KCNH5: variants seen among roughly 807,000 people sequenced by gnomAD.
The protein encoded by KCNH5 is potassium voltage-gated channel subfamily H member 5.
KCNH5 carries 46 observed loss-of-function variants against 96.1 expected under a neutral mutation model. The observed-to-expected ratio is 0.48, with a 90% CI of 0.38 to 0.61. The LOEUF (loss-of-function observed/expected upper bound fraction) is 0.61. Ranked by LOEUF, KCNH5 falls within the 20% of genes least tolerant of loss-of-function variation. The probability of loss-of-function intolerance (pLI) is 0.00; values close to 1 mark genes in which losing one functional copy is unlikely to be tolerated. For missense variants in KCNH5, 907 were observed against 1,225.8 expected (o/e 0.74, Z 3.88); for synonymous variants, 439 against 449.8 (o/e 0.98, Z 0.30).
chr14:62,789,350 T>C (rs1886384746), intron 9 of KCNH5, among the ~76,000 whole-genome samples: 2 of 152,072 alleles, frequency 1.3e-5, no homozygotes, highest in South Asian at 4.1e-4. Flanking sequence ...CTTAGGTCGT[T>C]TCCATATCTT....
At chr14:62,839,272 G>C (rs1297449046) in intron 8 of KCNH5, among the ~76,000 whole-genome samples, 1 of 152,012 alleles carries the variant, frequency 6.6e-6, no homozygotes, top group Non-Finnish European at 1.5e-5. Context: ...TTATGTAACA[G>C]TCATGTATTC....
intron 10 of KCNH5, among the ~76,000 whole-genome samples, chr14:62,711,431 A>C (rs1479442669): frequency 2.0e-5 from 3 of 152,128 alleles, no homozygotes; most frequent in African/African-American, 7.2e-5. Flanking sequence ...AAAGAGAAAG[A>C]ATCGAGCTCT....
At chr14:62,940,570 C>A (rs1427528570) in intron 7 of KCNH5, among the ~76,000 whole-genome samples, 3 of 152,160 alleles carry the variant, frequency 2.0e-5, no homozygotes, top group Admixed American at 1.3e-4. Context: ...TTGGTTCTTT[C>A]ATTTCTTTCC....
intron 7 of KCNH5, among the ~76,000 whole-genome samples, chr14:62,897,727 G>T (rs1888843296): frequency 6.6e-6 from 1 of 152,066 alleles, no homozygotes; most frequent in South Asian, 2.1e-4. Flanking sequence ...AAAATCAAAT[G>T]AAAAATGAAA....
intron 6 of KCNH5, among the ~76,000 whole-genome samples, chr14:62,972,153 A>G (rs1441170257): frequency 6.6e-6 from 1 of 152,202 alleles, no homozygotes; most frequent in African/African-American, 2.4e-5. Context: ...TAAAACAACA[A>G]TTAAAAAAAT....
chr14:62,811,626 G>C (rs141554990), intron 8 of KCNH5, among the ~76,000 whole-genome samples: 4 of 152,178 alleles, frequency 2.6e-5, no homozygotes, highest in East Asian at 1.9e-4. Context: ...ATTTGTTGTT[G>C]TTGTTTTTAA....
chr14:62,877,441 C>G (rs1888397984), intron 7 of KCNH5, among the ~76,000 whole-genome samples: 1 of 152,164 alleles, frequency 6.6e-6, no homozygotes, highest in African/African-American at 2.4e-5. Context: ...TCGCAACCTA[C>G]TCATGTGACA....
intron 1 of KCNH5, among the ~76,000 whole-genome samples, chr14:63,026,989 A>G (rs1891535464): frequency 6.6e-6 from 1 of 152,098 alleles, no homozygotes; most frequent in African/African-American, 2.4e-5. Context: ...AAAATGTGGT[A>G]TATATGCCTA....
At chr14:62,743,137 T>C (rs1452092971) in intron 10 of KCNH5, among the ~76,000 whole-genome samples, 1 of 152,140 alleles carries the variant, frequency 6.6e-6, no homozygotes, top group African/African-American at 2.4e-5. Flanking sequence ...TGCAAATAAA[T>C]GTGTGTGATA....
intron 10 of KCNH5, among the ~76,000 whole-genome samples, chr14:62,727,007 TTA>T (rs769282576): frequency 1.3e-5 from 2 of 152,164 alleles, no homozygotes; most frequent in Non-Finnish European, 2.9e-5. Context: ...TGAATACCTA[TTA>T]TATGATTCTA....
intron 4 of KCNH5, among the ~76,000 whole-genome samples, chr14:62,988,784 A>G (rs541088848): frequency 6.6e-6 from 1 of 152,256 alleles, no homozygotes; most frequent in East Asian, 1.9e-4. Context: ...TGACAAATTG[A>G]GACTTTTCTT....
chr14:62,769,157 C>T (rs557697726), intron 10 of KCNH5, among the ~76,000 whole-genome samples: 3 of 152,338 alleles, frequency 2.0e-5, no homozygotes, highest in Admixed American at 1.3e-4. Flanking sequence ...AGCACCTTAC[C>T]TCCCTTAACT....
rs1327872639 is a variant in KCNH5 at position 63,045,232 on chromosome 14, G to A, written c.-46C>T. On this transcript the variant is annotated 5_prime_UTR_variant, in exon 1 of 11. Transcript: ENST00000322893. ...GCCAGGATCCGCGGCGGGGGAGGGG[G>A]GGATGCAGGCAAAGAAGGTGGAGGA... 2.8e-6 allele frequency: 4 copies of A among 1,429,374 alleles called. No homozygotes were observed. The highest frequency in any genetic ancestry group is 3.3e-5 in the Admixed American group (2 of 59,790). The allele number at this position is 1,429,374 out of a possible 1,614,324, so 88.5% of individuals were successfully genotyped here. A position where few individuals can be genotyped will look rare whatever the true frequency, so the allele number is the denominator to read the frequency against.
intron 2 of KCNH5, among the ~76,000 whole-genome samples, chr14:63,011,850 A>G (rs1181905968): frequency 1.3e-5 from 2 of 152,076 alleles, no homozygotes; most frequent in African/African-American, 4.8e-5. Flanking sequence ...TGTTCATAAA[A>G]CTGCTGTGAA....
intron 6 of KCNH5, among the ~76,000 whole-genome samples, chr14:62,953,515 C>G (rs1890045083): frequency 6.6e-6 from 1 of 152,088 alleles, no homozygotes; most frequent in Admixed American, 6.6e-5. Context: ...CACAGGTATC[C>G]AAAAATAGGT....
intron 9 of KCNH5, among the ~76,000 whole-genome samples, chr14:62,788,409 A>G (rs1432819224): frequency 6.6e-6 from 1 of 152,196 alleles, no homozygotes. Flanking sequence ...TTGAGACAGA[A>G]TCTACTCTTA....
intron 10 of KCNH5, among the ~76,000 whole-genome samples, chr14:62,762,650 A>G (rs1885776383): frequency 6.6e-6 from 1 of 152,132 alleles, no homozygotes; most frequent in Non-Finnish European, 1.5e-5. Context: ...TTCACATGCA[A>G]TGACATCCAC....
chr14:62,892,145 C>T (rs1888723181), intron 7 of KCNH5, among the ~76,000 whole-genome samples: 1 of 152,026 alleles, frequency 6.6e-6, no homozygotes, highest in African/African-American at 2.4e-5. Flanking sequence ...CTTCTTGCAA[C>T]AAAAAATAAG....
intron 8 of KCNH5, among the ~76,000 whole-genome samples, chr14:62,820,860 A>C (rs1453232211): frequency 6.6e-6 from 1 of 152,016 alleles, no homozygotes; most frequent in Non-Finnish European, 1.5e-5. Context: ...ACCCAGTAAT[A>C]GGATTACTGG....
Sources: allele counts gnomAD v4.1 joint callset (sites outside exome capture counted in the v4.1 genomes callset), GRCh38; gene constraint gnomAD v4.1.1; transcripts MANE v1.5; gene names NCBI Gene and HGNC (gene_info 2026-07-23, HGNC 2026-07-21).